Variants in HACL1 observed in about 807,000 individuals in gnomAD.
HACL1 encodes 2-hydroxyacyl-CoA lyase 1.
A neutral mutation model predicts 74.2 loss-of-function variants in HACL1; 64 were observed. The observed-to-expected ratio is 0.86, with a 90% confidence interval of 0.70 to 1.06. HACL1 has a LOEUF of 1.06. Among genes scored for constraint, HACL1 ranks in the 50% least tolerant of loss-of-function variants. The pLI, the probability that HACL1 is intolerant of heterozygous loss-of-function variation, is 0.00. For synonymous variants in HACL1, 230 were observed against 238.8 expected, an observed-to-expected ratio of 0.96 and a Z score of 0.34; for missense variants, 728 against 719.7, an observed-to-expected ratio of 1.01 and a Z score of -0.13.
chr3:15,589,728 T>G, intron 4 of HACL1, 116 bp from the exon 5 acceptor site: 1 of 742,378 alleles, frequency 1.3e-6, no homozygotes, highest in Non-Finnish European at 2.3e-6. Flanking sequence ...AATATTATAT[T>G]TTTTTCTTAG....
chr3:15,601,435 C>G lies in HACL1; in HGVS notation c.29G>C (p.Ser10Thr). Reference protein sequence around the residue: MPDSNFAERSEEQVSGAKVI... With the variant: MPDSNFAERTEEQVSGAKVI... ...TTTAGCACCAGACACCTGCTCCTCG[C>G]TGCGCTCTGCGAAGTTACTGTCCGG... The change falls in exon 1 of 17, where the codon AGC becomes ACC. Residue 10 changes from serine to threonine, a missense_variant. By Grantham distance (58) the Ser-to-Thr change is moderately conservative. Coordinates refer to ENST00000321169, the MANE Select transcript of HACL1 (RefSeq NM_012260.4). The G allele has an allele frequency of 6.2e-7, 1 of 1,613,836 alleles. No individual in the cohort carries two copies. Among genetic ancestry groups the G allele is most frequent in the Non-Finnish European group, 8.5e-7 (1 of 1,180,034 alleles).
intron 14 of HACL1, among the ~76,000 whole-genome samples, chr3:15,567,149 C>G (rs1034582478): frequency 1.3e-5 from 2 of 149,776 alleles, no homozygotes; most frequent in African/African-American, 4.9e-5. Flanking sequence ...TCACATGGCT[C>G]TGACTTGATA....
At chr3:15,579,580 T>C (rs1006978228) in intron 9 of HACL1, among the ~76,000 whole-genome samples, 1 of 152,174 alleles carries the variant, frequency 6.6e-6, no homozygotes, top group Non-Finnish European at 1.5e-5. Flanking sequence ...GACATAAATT[T>C]AAATATTCAA....
chr3:15,569,618 T>C (rs1298237192), intron 12 of HACL1, among the ~76,000 whole-genome samples: 2 of 151,876 alleles, frequency 1.3e-5, no homozygotes, highest in Non-Finnish European at 2.9e-5. Context: ...GGTCGGGAGT[T>C]CGAGACCAGC....
intron 12 of HACL1, among the ~76,000 whole-genome samples, chr3:15,569,234 A>G (rs1304082784): frequency 6.6e-6 from 1 of 152,108 alleles, no homozygotes; most frequent in Non-Finnish European, 1.5e-5. Flanking sequence ...CTGCCTCTTC[A>G]CCTATGCTAC....
intron 3 of HACL1, among the ~76,000 whole-genome samples, 181 bp from the exon 4 acceptor site, chr3:15,591,861 G>A (rs531857856): frequency 9.3e-5 from 14 of 149,752 alleles, no homozygotes; most frequent in African/African-American, 3.4e-4. Flanking sequence ...TATATATCGC[G>A]ATATATATAC....
chr3:15,566,499 A>G (rs2063435968), intron 14 of HACL1, among the ~76,000 whole-genome samples: 1 of 152,172 alleles, frequency 6.6e-6, no homozygotes. Context: ...ACAAAAAAAT[A>G]CAAAAAATTA....
chr3:15,599,856 A>G (rs147721267), intron 2 of HACL1, among the ~76,000 whole-genome samples: 577 of 152,322 alleles, frequency 3.8e-3, no homozygotes, highest in Non-Finnish European at 6.7e-3. Context: ...CTTAGTCAAT[A>G]AATGTTTGCT....
chr3:15,585,395 A>G, intron 6 of HACL1, 53 bp from the exon 7 acceptor site: 1 of 952,364 alleles, frequency 1.1e-6, no homozygotes, highest in Admixed American at 1.9e-5. Context: ...GTCTTATCAT[A>G]TTCTACTCAA....
At chr3:15,569,055 C>T (rs1343696636) in intron 12 of HACL1, among the ~76,000 whole-genome samples, 1 of 152,072 alleles carries the variant, frequency 6.6e-6, no homozygotes, top group East Asian at 1.9e-4. Flanking sequence ...TAGTTTTTCC[C>T]CCAACACACT....
intron 3 of HACL1, among the ~76,000 whole-genome samples, chr3:15,595,544 A>G (rs1371973833): frequency 2.6e-5 from 4 of 152,014 alleles, no homozygotes; most frequent in Admixed American, 2.6e-4. Flanking sequence ...AAAAAACTGG[A>G]AGAAAATGAC....
rs1416264415 is a variant in HACL1, at chr3:15,579,959, C to G, written c.754G>C (p.Gly252Arg). 2 of 1,610,676 alleles carry G rather than the reference C, an allele frequency of 1.2e-6. No individual in the cohort carries two copies. Among genetic ancestry groups the G allele is most frequent in the South Asian group, 2.2e-5 (2 of 90,962 alleles). ...TATGGATGGTTGTCAGGGACAACAC[C>G]CTTCCCCATAGGGGTGGGCAAAAAT... ...LPFLPTPMGK[G>R]VVPDNHPYCV... The change falls in exon 9 of 17, where the codon GGT (glycine) becomes CGT (arginine). Residue 252 changes from glycine (G) to arginine (R), a missense_variant. Gly to Arg is a moderately radical substitution (Grantham distance 125). Transcript: ENST00000321169.
rs2063334108 is a variant in HACL1 at position 15,560,818 on chromosome 3, A to T, written c.*47T>A. ...ATTTTGCTGTGGAAAATAAAATTTC[A>T]TCTTGCAAGAAAGAGAAAACTCAAG... On this transcript the variant is annotated 3_prime_UTR_variant, in exon 17 of 17. Coordinates refer to ENST00000321169, the MANE Select transcript of HACL1 (RefSeq NM_012260.4). 7.4e-7 allele frequency: 1 copy of T among 1,345,430 alleles called. No homozygotes were observed. Among genetic ancestry groups the T allele is most frequent in the Non-Finnish European group, 1.1e-6 (1 of 946,360 alleles). 83.3% of individuals were successfully genotyped at this position (1,345,430 alleles called of 1,614,324 possible). A position where few individuals can be genotyped will look rare whatever the true frequency, so the allele number is the denominator to read the frequency against.
chr3:15,570,344 A>G (rs1287325759), intron 12 of HACL1, among the ~76,000 whole-genome samples: 1 of 148,756 alleles, frequency 6.7e-6, no homozygotes, highest in Non-Finnish European at 1.5e-5. Context: ...TCTGTCCCCA[A>G]AAAAAAAAAA....
At chr3:15,582,776 A>T (rs1459208010) in intron 8 of HACL1, 101 bp downstream of exon 8, 1 of 603,874 alleles carries the variant, frequency 1.7e-6, no homozygotes, top group Non-Finnish European at 3.0e-6. Context: ...TTCTTATTCC[A>T]ATCTCAAACA....
intron 9 of HACL1, among the ~76,000 whole-genome samples, chr3:15,576,945 A>C (rs552025068): frequency 8.2e-4 from 125 of 152,312 alleles, no homozygotes; most frequent in African/African-American, 2.9e-3. Flanking sequence ...CTGATACTCT[A>C]AAACTCTTGA....
intron 2 of HACL1, among the ~76,000 whole-genome samples, chr3:15,600,118 C>G (rs908637394): frequency 1.3e-5 from 2 of 152,100 alleles, no homozygotes; most frequent in African/African-American, 4.8e-5. Flanking sequence ...GAATGTCATT[C>G]AATTAATAAA....
intron 8 of HACL1, among the ~76,000 whole-genome samples, chr3:15,582,507 C>A (rs983335062): frequency 3.3e-5 from 5 of 152,080 alleles, no homozygotes; most frequent in African/African-American, 9.6e-5. Context: ...GAATATAAAA[C>A]GGTCTATAAT....
chr3:15,581,388 C>T (rs2063714261), intron 8 of HACL1, among the ~76,000 whole-genome samples: 1 of 152,030 alleles, frequency 6.6e-6, no homozygotes, highest in Non-Finnish European at 1.5e-5. Flanking sequence ...ATATATAATT[C>T]TCTACTGAAT....
Sources: gnomAD v4.1 joint callset for allele counts (sites outside exome capture counted in the v4.1 genomes callset) on GRCh38, gnomAD v4.1.1 for gene constraint, MANE v1.5 for transcripts, NCBI Gene and HGNC (gene_info 2026-07-23, HGNC 2026-07-21) for gene names.